Variants in PSTPIP2 observed in about 807,000 individuals in gnomAD.
PSTPIP2 encodes proline-serine-threonine phosphatase interacting protein 2, also known as proline-serine-threonine phosphatase-interacting protein 2.
In PSTPIP2, 33 loss-of-function variants were observed where a neutral mutation model predicts 63.3. The observed-to-expected ratio is 0.52, with a 90% CI of 0.40 to 0.70. The LOEUF is 0.70. PSTPIP2 is among the 30% of genes least tolerant of loss of function. PSTPIP2 has a pLI of 0.00. For missense variants in PSTPIP2, 312 were observed against 400.7 expected, an observed-to-expected ratio of 0.78 and a Z score of 1.89; for synonymous variants, 125 against 132.7, an observed-to-expected ratio of 0.94 and a Z score of 0.40.
intron 1 of PSTPIP2, among the ~76,000 whole-genome samples, chr18:46,062,439 A>G (rs1324642526): frequency 1.3e-5 from 2 of 151,952 alleles, no homozygotes; most frequent in East Asian, 3.9e-4. Context: ...TCAGGAGTTC[A>G]AGACCAGCCT....
At chr18:46,037,865 G>A (rs1479054668) in intron 2 of PSTPIP2, among the ~76,000 whole-genome samples, 1 of 152,180 alleles carries the variant, frequency 6.6e-6, no homozygotes, top group Non-Finnish European at 1.5e-5. Context: ...ACCCATGGGA[G>A]AAAAGAGAAC....
chr18:46,068,520 G>A (rs891186050), intron 1 of PSTPIP2, among the ~76,000 whole-genome samples: 6 of 151,756 alleles, frequency 4.0e-5, no homozygotes, highest in Non-Finnish European at 5.9e-5. Flanking sequence ...AGATGGTCTC[G>A]ATCTCCTGAC....
chr18:46,013,215 G>C (rs1368562347), intron 4 of PSTPIP2, among the ~76,000 whole-genome samples: 1 of 152,200 alleles, frequency 6.6e-6, no homozygotes, highest in East Asian at 1.9e-4. Context: ...TGGCCTCACA[G>C]TGCATATAAG....
intron 9 of PSTPIP2, among the ~76,000 whole-genome samples, chr18:45,995,733 C>A (rs1350974979): frequency 1.3e-5 from 2 of 152,222 alleles, no homozygotes; most frequent in Non-Finnish European, 2.9e-5. Context: ...TTGGAGACAG[C>A]CCCTTCAAAA....
intron 2 of PSTPIP2, among the ~76,000 whole-genome samples, chr18:46,026,462 C>T (rs1334313387): frequency 6.6e-6 from 1 of 152,190 alleles, no homozygotes. Flanking sequence ...GTATATACAA[C>T]TTATTCTTAC....
At chr18:46,002,472 G>C (rs1245912396) in intron 6 of PSTPIP2, among the ~76,000 whole-genome samples, 1 of 151,920 alleles carries the variant, frequency 6.6e-6, no homozygotes, top group Non-Finnish European at 1.5e-5. Flanking sequence ...ATATTATTCT[G>C]TCTTCCAGTT....
intron 2 of PSTPIP2, among the ~76,000 whole-genome samples, chr18:46,030,623 A>T (rs960127789): frequency 6.6e-6 from 1 of 152,230 alleles, no homozygotes; most frequent in East Asian, 1.9e-4. Context: ...TACCACAATT[A>T]TTCATCCTGA....
intron 1 of PSTPIP2, among the ~76,000 whole-genome samples, chr18:46,043,366 G>A (rs1001448374): frequency 1.6e-4 from 25 of 151,532 alleles, no homozygotes; most frequent in African/African-American, 5.6e-4. Context: ...ACTCCAGCGT[G>A]GGTGACAGAG....
intron 9 of PSTPIP2, chr18:45,994,077 T>C (rs2051566063): frequency 3.3e-6 from 1 of 301,090 alleles, no homozygotes; most frequent in African/African-American, 2.2e-5. Flanking sequence ...ATGAATGAGT[T>C]TGACTGGCAA....
chr18:46,017,178 T>C (rs1323214834), intron 3 of PSTPIP2, among the ~76,000 whole-genome samples: 2 of 152,198 alleles, frequency 1.3e-5, no homozygotes, highest in Non-Finnish European at 2.9e-5. Flanking sequence ...AAAAATAATT[T>C]TTCCAGGTTG....
At position 45,999,432 on chromosome 18, in the gene PSTPIP2, G is replaced by T. The variant is rs936809944; in HGVS notation, c.516+4C>A. On this transcript the variant is annotated splice_donor_region_variant and intron_variant, in intron 7 of 14. Coordinates refer to ENST00000409746, the MANE Select transcript of PSTPIP2 (RefSeq NM_024430.4). ...TTTTTCGGGTTGTTAGCCCTCCTGG[G>T]TACCTTTTCTTGTTGCTTCGGGTTC... 13 of 1,614,034 alleles carry T rather than the reference G, an allele frequency of 8.1e-6. No homozygotes were observed. The highest frequency in any genetic ancestry group is 1.3e-5 in the African/African-American group (1 of 74,932).
intron 6 of PSTPIP2, among the ~76,000 whole-genome samples, chr18:46,002,398 G>T (rs2051677273): frequency 6.6e-6 from 1 of 152,022 alleles, no homozygotes; most frequent in Non-Finnish European, 1.5e-5. Flanking sequence ...AGTGCAAAAA[G>T]TCCCTGAGGC....
chr18:45,988,434 C>CAAAAAAAAAAAAAA (rs2051489120), intron 14 of PSTPIP2, among the ~76,000 whole-genome samples: 3 of 91,342 alleles, frequency 3.3e-5, no homozygotes, highest in African/African-American at 1.7e-4. Flanking sequence ...GACTCTGCTT[C>CAAAAAAAAAAAAAA]GAAAAAAAAA....
chr18:46,011,285 CT>C lies in PSTPIP2; in HGVS notation c.249del (p.Val84Ter), dbSNP rs2144082483. On this transcript the variant is annotated frameshift_variant and splice_region_variant, in exon 5 of 15. Coordinates refer to ENST00000409746, the MANE Select transcript of PSTPIP2 (RefSeq NM_024430.4). LOFTEE classifies it high-confidence loss of function. ...ATGTGACATTGTGCCACATTGTCTA[CT>C]TCTGCAAAAAAGAATTAAAAAAAAA... is the stretch of plus-strand genomic sequence containing the variant. ...LKRALEVFKQQVDNVAQCHIQ... is the reference protein window; with the variant it reads ...LKRALEVFKQXVDNVAQCHIQ... 1 of 1,609,664 alleles carries C rather than the reference CT, an allele frequency of 6.2e-7. No individual in the cohort carries two copies. Among genetic ancestry groups the C allele is most frequent in the Admixed American group, 1.7e-5 (1 of 59,650 alleles).
intron 1 of PSTPIP2, among the ~76,000 whole-genome samples, chr18:46,047,354 C>T (rs970593742): frequency 1.3e-5 from 2 of 152,128 alleles, no homozygotes; most frequent in African/African-American, 4.8e-5. Flanking sequence ...GCGGGCAGAT[C>T]ATAAGGTCAG....
intron 3 of PSTPIP2, among the ~76,000 whole-genome samples, chr18:46,023,271 AG>A (rs1907440987): frequency 6.6e-6 from 1 of 152,098 alleles, no homozygotes; most frequent in East Asian, 1.9e-4. Context: ...TTAAAATAAA[AG>A]TTTTTTCGCC....
chr18:46,000,942 C>G (rs2051658078), intron 6 of PSTPIP2, among the ~76,000 whole-genome samples: 1 of 152,084 alleles, frequency 6.6e-6, no homozygotes, highest in Non-Finnish European at 1.5e-5. Flanking sequence ...GAATGGTTGA[C>G]TAAGATAAAT....
intron 1 of PSTPIP2, among the ~76,000 whole-genome samples, chr18:46,059,254 C>CT (rs901446210): frequency 5.3e-5 from 8 of 151,302 alleles, no homozygotes; most frequent in Admixed American, 2.6e-4. Flanking sequence ...CCAGGCAGGT[C>CT]TTTTTTTTAA....
intron 5 of PSTPIP2, among the ~76,000 whole-genome samples, chr18:46,008,287 A>C (rs1370682690): frequency 6.6e-6 from 1 of 151,906 alleles, no homozygotes; most frequent in Non-Finnish European, 1.5e-5. Context: ...TTTTCTCTCT[A>C]CTCACACTCA....
Sources: gnomAD v4.1 joint callset for allele counts (sites outside exome capture counted in the v4.1 genomes callset) on GRCh38, gnomAD v4.1.1 for gene constraint, MANE v1.5 for transcripts, NCBI Gene and HGNC (gene_info 2026-07-23, HGNC 2026-07-21) for gene names.